ZNF83: variants seen among roughly 807,000 people sequenced by gnomAD.
ZNF83 encodes the protein zinc finger protein 83.
For missense variants in ZNF83, 552 were observed against 629.9 expected (o/e 0.88, Z 1.32); for synonymous variants, 209 against 213.0 (o/e 0.98, Z 0.17).
In ZNF83 at chr19:52,653,889, C is replaced by T. The variant is rs191771191; in HGVS notation, c.-74+1672G>A. Among the ~76,000 whole-genome samples the T allele has an allele frequency of 8.1e-4, 123 of 152,338 alleles. No individual in the cohort carries two copies. The highest frequency in any genetic ancestry group is 2.6e-3 in the African/African-American group (107 of 41,582). On this transcript the variant is annotated intron_variant, in intron 3 of 5. Coordinates refer to the ZNF83 transcript ENST00000594682. The stretch of plus-strand genomic sequence containing the variant: ...AGCTATAATTAAAGGCTTTGCCACA[C>T]TCATTACATTGGAAAGGTTTTTCTC...
At chr19:52,678,449 C>CAAAA (rs11387898) in intron 1 of ZNF83, among the ~76,000 whole-genome samples, 1 of 109,692 alleles carries the variant, frequency 9.1e-6, no homozygotes, top group Non-Finnish European at 1.8e-5. Context: ...GACTTCATCT[C>CAAAA]AAAAAAAAAA....
intron 1 of ZNF83, among the ~76,000 whole-genome samples, chr19:52,679,183 G>T (rs1169255227): frequency 6.6e-6 from 1 of 152,196 alleles, no homozygotes; most frequent in African/African-American, 2.4e-5. Context: ...CTCATAGGAG[G>T]CTGTGAGCCC....
intron 2 of ZNF83, among the ~76,000 whole-genome samples, chr19:52,658,967 C>T (rs564218411): frequency 2.0e-5 from 3 of 152,236 alleles, no homozygotes; most frequent in African/African-American, 7.2e-5. Context: ...GCCTGGAGTG[C>T]GAGCTGCTCA....
chr19:52,670,351 G>A lies in ZNF83; in HGVS notation c.-282-9508C>T, dbSNP rs193194305. On this transcript the variant is annotated intron_variant, in intron 1 of 5. Coordinates refer to the ZNF83 transcript ENST00000594682. ...GATTAGCCTGTGTGGTCTAACCCTCGCCAATAGGGGAATGACACAGCAGCA... is the reference window on the plus strand; with the variant it reads ...GATTAGCCTGTGTGGTCTAACCCTCACCAATAGGGGAATGACACAGCAGCA... 2.6e-3 allele frequency among the ~76,000 whole-genome samples: 401 copies of A among 152,220 alleles called. 3 individuals carry two copies. Among genetic ancestry groups the A allele is most frequent in the Non-Finnish European group, 4.0e-3 (271 of 68,006 alleles).
intron 1 of ZNF83, among the ~76,000 whole-genome samples, chr19:52,681,280 C>CAAAAAAAAAAAAA (rs56916405): frequency 0.01 from 758 of 75,360 alleles, 47 homozygotes; most frequent in South Asian, 0.017. Context: ...GAGACTTTCT[C>CAAAAAAAAAAAAA]AAAAAAAAAA....
chr19:52,615,086 A>T (rs576921581), intron 2 of ZNF83, among the ~76,000 whole-genome samples: 5 of 152,234 alleles, frequency 3.3e-5, no homozygotes, highest in Middle Eastern at 3.4e-3. Context: ...CAAAATTGAG[A>T]TTTTTTCCAA....
At chr19:52,648,451 G>GAA (rs201038009) in intron 3 of ZNF83, among the ~76,000 whole-genome samples, 2 of 148,468 alleles carry the variant, frequency 1.3e-5, no homozygotes, top group African/African-American at 2.5e-5. Flanking sequence ...CAAAGTGAAG[G>GAA]AAAAAAAAAA....
chr19:52,653,934 T>G, intron 3 of ZNF83: 1 of 1,097,724 alleles, frequency 9.1e-7, no homozygotes, highest in Non-Finnish European at 1.4e-6. Context: ...CTTCCTGGAT[T>G]TGTGTCAATA....
intron 2 of ZNF83, among the ~76,000 whole-genome samples, chr19:52,620,428 A>ACAGCCTTC (rs1386262933): frequency 6.6e-6 from 1 of 152,122 alleles, no homozygotes; most frequent in African/African-American, 2.4e-5. Context: ...CACTCCTTCA[A>ACAGCCTTC]CAGCCTTCCC....
intron 1 of ZNF83, among the ~76,000 whole-genome samples, chr19:52,681,280 CAAA>C (rs56916405): frequency 0.21 from 15,820 of 75,112 alleles, 1,096 homozygotes; most frequent in African/African-American, 0.28. Context: ...GAGACTTTCT[CAAA>C]AAAAAAAAAA....
intron 3 of ZNF83, among the ~76,000 whole-genome samples, chr19:52,645,397 A>G (rs2061359276): frequency 6.6e-6 from 1 of 152,246 alleles, no homozygotes; most frequent in African/African-American, 2.4e-5. Context: ...TGGGGTCAAC[A>G]GGAAAATAAC....
At chr19:52,637,619 C>T (rs1197007067) in intron 1 of ZNF83, among the ~76,000 whole-genome samples, 1 of 152,096 alleles carries the variant, frequency 6.6e-6, no homozygotes, top group African/African-American at 2.4e-5. Flanking sequence ...ATTCTTTTCT[C>T]TGTCTCAGCT....
chr19:52,645,010 T>TA (rs35106617), intron 3 of ZNF83, among the ~76,000 whole-genome samples: 14,998 of 111,018 alleles, frequency 0.14, 1,126 homozygotes, highest in African/African-American at 0.22. Flanking sequence ...AACTCCATCT[T>TA]AAAAAAAAAA....
exon 3 of ZNF83, chr19:52,613,465 T>C: frequency 6.2e-7 from 1 of 1,614,108 alleles, no homozygotes; most frequent in Non-Finnish European, 8.5e-7. Context: ...CTCACCGGCA[T>C]GAATTATCAG....
upstream of ZNF83, among the ~76,000 whole-genome samples, chr19:52,643,163 T>A: frequency 9.4e-6 from 1 of 106,130 alleles, no homozygotes; most frequent in African/African-American, 4.4e-5. Context: ...GGCGACAGAG[T>A]GAGACTCAAA....
intron 1 of ZNF83, among the ~76,000 whole-genome samples, chr19:52,663,397 G>T (rs2061604581): frequency 6.6e-6 from 1 of 152,176 alleles, no homozygotes; most frequent in African/African-American, 2.4e-5. Flanking sequence ...TTTTCTTCAT[G>T]AACACATGGA....
At chr19:52,677,754 C>T (rs2061840737) in intron 1 of ZNF83, among the ~76,000 whole-genome samples, 1 of 151,952 alleles carries the variant, frequency 6.6e-6, no homozygotes, top group African/African-American at 2.4e-5. Flanking sequence ...AAGAGCCAGG[C>T]CAGAGGGGAT....
At chr19:52,613,801 T>G (rs372157919) in exon 3 of ZNF83, 1 of 1,613,970 alleles carries the variant, frequency 6.2e-7, no homozygotes, top group Non-Finnish European at 8.5e-7. Flanking sequence ...CTCTCCAGTA[T>G]GAATGATCAG....
At chr19:52,682,121 C>T (rs552064272) in intron 1 of ZNF83, among the ~76,000 whole-genome samples, 8 of 152,172 alleles carry the variant, frequency 5.3e-5, no homozygotes, top group South Asian at 4.2e-4. Flanking sequence ...GCTGGGATTA[C>T]GGGCATGAGC....
Sources: gnomAD v4.1 joint callset for allele counts (sites outside exome capture counted in the v4.1 genomes callset) on GRCh38, gnomAD v4.1.1 for gene constraint, MANE v1.5 for transcripts, NCBI Gene and HGNC (gene_info 2026-07-23, HGNC 2026-07-21) for gene names.